PPFIA3: variants seen among roughly 807,000 people sequenced by gnomAD.
The protein encoded by PPFIA3 is liprin-alpha-3.
PPFIA3 carries 26 observed loss-of-function variants against 145.8 expected under a neutral mutation model. That is an observed-to-expected ratio of 0.18 (90% CI 0.13 to 0.25). The LOEUF (loss-of-function observed/expected upper bound fraction) is 0.25. PPFIA3 is among the 10% of genes least tolerant of loss of function. The pLI is 1.00. For synonymous variants in PPFIA3, 645 were observed against 661.4 expected, an observed-to-expected ratio of 0.98 and a Z score of 0.38; for missense variants, 1,008 against 1,587.8, an observed-to-expected ratio of 0.63 and a Z score of 6.21.
At position 49,139,811 on chromosome 19, in the gene PPFIA3, T is replaced by C. The variant is rs2041193900; in HGVS notation, c.2220T>C (p.Asp740=). ...ALALQAGSLE[D]GGPPRGSEGT... ...CACTGCAGGCGGGGTCCCTGGAAGA[T>C]GGGGGACCCCCACGGGGAAGGTCAG... Residue 740 remains aspartate (D), a synonymous_variant, in exon 17 of 30, where the codon GAT becomes GAC. Transcript: ENST00000334186. 6.2e-7 allele frequency: 1 copy of C among 1,611,374 alleles called. No homozygotes were observed. The highest frequency in any genetic ancestry group is 1.7e-5 in the Admixed American group (1 of 59,778).
chr19:49,123,822 A>G (rs1320569313), intron 1 of PPFIA3, among the ~76,000 whole-genome samples: 1 of 152,046 alleles, frequency 6.6e-6, no homozygotes, highest in Non-Finnish European at 1.5e-5. Context: ...TTCTAGGCCC[A>G]TTCATTTTCT....
At chr19:49,132,255 A>C (rs1180142595) in intron 7 of PPFIA3, among the ~76,000 whole-genome samples, 1 of 151,356 alleles carries the variant, frequency 6.6e-6, no homozygotes, top group Non-Finnish European at 1.5e-5. Context: ...CAGGCATGGC[A>C]GCGGGTGCCT....
At chr19:49,134,411 C>A (rs1568437099) in intron 11 of PPFIA3, among the ~76,000 whole-genome samples, 1 of 152,216 alleles carries the variant, frequency 6.6e-6, no homozygotes, top group Non-Finnish European at 1.5e-5. Flanking sequence ...GCCTCCAACC[C>A]CATGGGTCTC....
chr19:49,127,584 G>A (rs1370390454), intron 1 of PPFIA3, among the ~76,000 whole-genome samples: 1 of 151,466 alleles, frequency 6.6e-6, no homozygotes, highest in African/African-American at 2.4e-5. Flanking sequence ...GGGTGACAGA[G>A]TGAGACCCTG....
intron 21 of PPFIA3, among the ~76,000 whole-genome samples, chr19:49,143,321 C>G (rs2041246071): frequency 6.6e-6 from 1 of 152,208 alleles, no homozygotes; most frequent in Middle Eastern, 3.2e-3. Flanking sequence ...GGCATATCAG[C>G]ACCTTCTAAT....
In PPFIA3 at chr19:49,129,029, A is replaced by T. The variant is rs1430463079; in HGVS notation, c.507+17A>T. 7 of 1,569,510 alleles carry T rather than the reference A, an allele frequency of 4.5e-6. No homozygotes were observed. The East Asian group carries it at 1.4e-4, about 30-fold the overall frequency. ...GATGAGAAGGTATGAGAATTAGAAG[A>T]GCAGGGGTGGAGAATGGAAACCTAT... On this transcript the variant is annotated intron_variant, in intron 4 of 29. Transcript: ENST00000334186.
In PPFIA3 at chr19:49,149,962, C is replaced by G. The variant is rs1396388966; in HGVS notation, c.3527-118C>G. ...CTTGGCTGCGGGGAAGGGAGGGAAACCCATGTGGAGCCCGGCGATCGTTGT... is the reference window on the plus strand; with the variant it reads ...CTTGGCTGCGGGGAAGGGAGGGAAAGCCATGTGGAGCCCGGCGATCGTTGT... On this transcript the variant is annotated intron_variant, in intron 28 of 29. Coordinates refer to ENST00000334186, the MANE Select transcript of PPFIA3 (RefSeq NM_003660.4). The surrounding 1 kb of genome is among the most constrained non-coding windows in gnomAD (Gnocchi z 5.7). 5 of 1,298,326 alleles carry G rather than the reference C, an allele frequency of 3.9e-6. No homozygotes were observed. The African/African-American group carries it at 7.3e-5, about 19-fold the overall frequency. 80.4% of individuals were successfully genotyped at this position (1,298,326 alleles called of 1,614,324 possible).
At position 49,130,002 on chromosome 19, in the gene PPFIA3, C is replaced by T; in HGVS notation, c.592C>T (p.Leu198Phe). 1 of 1,613,728 alleles carries T rather than the reference C, an allele frequency of 6.2e-7. No homozygotes were observed. Among genetic ancestry groups the T allele is most frequent in the Non-Finnish European group, 8.5e-7 (1 of 1,179,886 alleles). The change falls in exon 6 of 30, where the codon CTT becomes TTT. Residue 198 changes from leucine (L) to phenylalanine (F), a missense_variant. By Grantham distance (22) the Leu-to-Phe change is conservative. Transcript: ENST00000334186. This position sits in a 1 kb window ranked among gnomAD's most constrained non-coding sequence, Gnocchi z 4.5. ...LELSNQETLNLREQLSRRRSG... is the reference protein window; with the variant it reads ...LELSNQETLNFREQLSRRRSG... ...CCTTTCACACTTCCAGACTCTGAAC[C>T]TTCGAGAACAGCTGTCTAGGCGGCG...
chr19:49,129,117 G>A, intron 4 of PPFIA3, 105 bp downstream of exon 4: 1 of 1,276,626 alleles, frequency 7.8e-7, no homozygotes, highest in Non-Finnish European at 1.1e-6. Flanking sequence ...GATGTTCTGA[G>A]TTGGAAGAAT....
chr19:49,134,940 C>T (rs768735116), intron 13 of PPFIA3, 25 bp downstream of exon 13: 5 of 1,524,590 alleles, frequency 3.3e-6, no homozygotes, highest in Non-Finnish European at 3.5e-6. Flanking sequence ...TCTGCCCTGC[C>T]CCCACCATGG....
At chr19:49,134,308 C>T (rs1600335740) in intron 11 of PPFIA3, 143 bp downstream of exon 11, 2 of 1,172,964 alleles carry the variant, frequency 1.7e-6, no homozygotes, top group Non-Finnish European at 2.4e-6. Flanking sequence ...GCCTTCTCTG[C>T]TCTATTGCCC....
intron 15 of PPFIA3, 143 bp from the exon 16 acceptor site, chr19:49,138,062 C>A: frequency 7.6e-7 from 1 of 1,322,786 alleles, no homozygotes; most frequent in South Asian, 2.0e-5. Context: ...CTTCAGAAAC[C>A]CACCAAAGTC....
In PPFIA3 at chr19:49,128,199, G is replaced by A; in HGVS notation, c.240+86G>A. ...CGGAAGGGGCCGGGCTTGGCGCCTG[G>A]AAGGGAGGAGTCTGGGCGAGGCTTG... On this transcript the variant is annotated intron_variant, in intron 2 of 29. Coordinates refer to ENST00000334186, the MANE Select transcript of PPFIA3 (RefSeq NM_003660.4). The surrounding 1 kb of genome is among the most constrained non-coding windows in gnomAD (Gnocchi z 4.1). 6.8e-7 allele frequency: 1 copy of A among 1,471,230 alleles called. No homozygotes were observed. Among genetic ancestry groups the A allele is most frequent in the Non-Finnish European group, 9.1e-7 (1 of 1,104,612 alleles). The allele number at this position is 1,471,230 out of a possible 1,614,324, so 91.1% of individuals were successfully genotyped here.
At chr19:49,139,499 A>G (rs887582519) in intron 16 of PPFIA3, among the ~76,000 whole-genome samples, 169 bp from the exon 17 acceptor site, 5 of 152,004 alleles carry the variant, frequency 3.3e-5, no homozygotes, top group Middle Eastern at 3.4e-3. Context: ...CAAAAAAAAA[A>G]AAAAAAAAAA....
At chr19:49,141,344 T>G (rs1416701077) in intron 18 of PPFIA3, 76 bp from the exon 19 acceptor site, 1 of 1,174,802 alleles carries the variant, frequency 8.5e-7, no homozygotes, top group Admixed American at 1.8e-5. Flanking sequence ...TCCGGCATTT[T>G]CCTCATCACC....
intron 23 of PPFIA3, among the ~76,000 whole-genome samples, chr19:49,147,059 G>C (rs901564155): frequency 1.3e-5 from 2 of 152,226 alleles, no homozygotes; most frequent in Non-Finnish European, 2.9e-5. Flanking sequence ...ATTTTGTGCT[G>C]ATGCTGAAAG....
chr19:49,124,831 C>T (rs915450489), intron 1 of PPFIA3, among the ~76,000 whole-genome samples: 4 of 151,988 alleles, frequency 2.6e-5, no homozygotes, highest in Middle Eastern at 3.4e-3. Flanking sequence ...TTTGGGAGGC[C>T]GAGGCGGGTG....
chr19:49,135,008 G>C, intron 13 of PPFIA3, 93 bp downstream of exon 13: 1 of 1,091,876 alleles, frequency 9.2e-7, no homozygotes, highest in Non-Finnish European at 1.3e-6. Context: ...CTGTCCTCCT[G>C]AGACTTCTGA....
In PPFIA3 at chr19:49,133,307, A is replaced by G. The variant is rs552464930; in HGVS notation, c.1097A>G (p.Gln366Arg). The change falls in exon 9 of 30, where the codon CAG becomes CGG. Residue 366 changes from glutamine (Q) to arginine (R), a missense_variant. Physicochemically the swap from Gln to Arg is conservative, Grantham distance 43 (BLOSUM62 1). This residue lies in a region of PPFIA3 where 109 missense variants were observed against 198.1 expected (regional missense o/e 0.55). Transcript: ENST00000334186. The surrounding 1 kb of genome is among the most constrained non-coding windows in gnomAD (Gnocchi z 7.2). Reference protein sequence around the residue: ...DAKQKLQQTLQKAETLPEIEA... With the variant: ...DAKQKLQQTLRKAETLPEIEA... Reference sequence around the variant, plus strand: ...AAGCAGAAGCTGCAGCAGACGCTGCAGAAAGCGGAGACCTTGCCCGAGATA... The same window carrying G: ...AAGCAGAAGCTGCAGCAGACGCTGCGGAAAGCGGAGACCTTGCCCGAGATA... 4.3e-6 allele frequency: 7 copies of G among 1,610,724 alleles called. No homozygotes were observed.
Sources: allele counts gnomAD v4.1 joint callset (sites outside exome capture counted in the v4.1 genomes callset), GRCh38; gene constraint gnomAD v4.1.1; regional missense constraint gnomAD v4.1.1; non-coding constraint Gnocchi (gnomAD v3.1); transcripts MANE v1.5; gene names NCBI Gene and HGNC (gene_info 2026-07-23, HGNC 2026-07-21).